NKTR: variants seen among roughly 807,000 people sequenced by gnomAD.
NKTR encodes the protein natural killer cell triggering receptor, also known as NK-tumor recognition protein.
NKTR carries 67 observed loss-of-function variants against 156.3 expected under a neutral mutation model. The ratio of observed to expected loss-of-function variants is 0.43; its 90% confidence interval spans 0.35 to 0.53. The LOEUF (loss-of-function observed/expected upper bound fraction) is 0.53, where lower values mean the gene tolerates loss of function less well. NKTR is among the 20% of genes least tolerant of loss of function. The pLI is 0.01. For synonymous variants in NKTR, 640 were observed against 596.6 expected (o/e 1.07, Z -1.06); for missense variants, 1,604 against 1,730.9 (o/e 0.93, Z 1.30).
chr3:42,645,599 A>G (rs1187127041), intron 16 of NKTR, among the ~76,000 whole-genome samples: 5 of 152,058 alleles, frequency 3.3e-5, no homozygotes, highest in Admixed American at 3.3e-4. Context: ...CAGGAGAATC[A>G]CTTGAACCCG....
chr3:42,642,235 C>T (rs1241442560), intron 13 of NKTR, among the ~76,000 whole-genome samples: 1 of 152,024 alleles, frequency 6.6e-6, no homozygotes, highest in East Asian at 1.9e-4. Flanking sequence ...TTATTTTCTT[C>T]TCAGTGTTAT....
chr3:42,641,330 G>A (rs1046155423), intron 13 of NKTR, among the ~76,000 whole-genome samples: 4 of 152,148 alleles, frequency 2.6e-5, no homozygotes, highest in Admixed American at 1.3e-4. Context: ...AGCAGGTCAT[G>A]TCTTCCAAAA....
chr3:42,621,403 G>A (rs535878532), intron 5 of NKTR, 26 bp from the exon 6 acceptor site: 1 of 1,587,786 alleles, frequency 6.3e-7, no homozygotes, highest in East Asian at 2.3e-5. Flanking sequence ...ATTGGAGACT[G>A]ACAAATTTGT....
intron 16 of NKTR, 74 bp downstream of exon 16, chr3:42,644,077 G>A: frequency 1.2e-6 from 1 of 849,112 alleles, no homozygotes; most frequent in Non-Finnish European, 1.9e-6. Context: ...AGGGTGATGG[G>A]CTGCTAGTGG....
intron 2 of NKTR, among the ~76,000 whole-genome samples, chr3:42,616,736 C>G (rs1358622235): frequency 6.6e-6 from 1 of 152,094 alleles, no homozygotes; most frequent in Admixed American, 6.5e-5. Flanking sequence ...TCTGCTCTCT[C>G]AGGGGATAGG....
intron 6 of NKTR, among the ~76,000 whole-genome samples, chr3:42,622,229 CTAAA>C (rs1559565109): frequency 1.3e-5 from 2 of 152,116 alleles, no homozygotes; most frequent in East Asian, 1.9e-4. Context: ...TCTGAAAATT[CTAAA>C]TAAATCCTTT....
At chr3:42,607,480 T>G (rs2125762174) in intron 2 of NKTR, among the ~76,000 whole-genome samples, 1 of 151,966 alleles carries the variant, frequency 6.6e-6, no homozygotes. Flanking sequence ...CTTTAATGGG[T>G]CCGACTGACA....
chr3:42,612,233 T>C (rs1706900722), intron 2 of NKTR: 1 of 152,068 alleles, frequency 6.6e-6, no homozygotes, highest in Non-Finnish European at 1.5e-5. Context: ...TTTATCAATA[T>C]TTGCTTGTGT....
chr3:42,637,300 C>CTCAA lies in NKTR; in HGVS notation c.1597_1600dup (p.Arg534IlefsTer16). 1 of 1,614,100 alleles carries CTCAA rather than the reference C, an allele frequency of 6.2e-7. No homozygotes were observed. The highest frequency in any genetic ancestry group is 8.5e-7 in the Non-Finnish European group (1 of 1,180,006). ...ACTCACAGTCTTATTCTAGAGGAAG[C>CTCAA]TCAAGATCAAGGACTGCGTCAAAGT... is the stretch of plus-strand genomic sequence containing the variant. On this transcript the variant is annotated frameshift_variant, in exon 13 of 17. Coordinates refer to ENST00000232978, the MANE Select transcript of NKTR (RefSeq NM_005385.4). LOFTEE classifies it high-confidence loss of function.
At chr3:42,645,845 T>G in intron 16 of NKTR, 43 bp from the exon 17 acceptor site, 1 of 1,388,256 alleles carries the variant, frequency 7.2e-7, no homozygotes, top group Non-Finnish European at 1.0e-6. Context: ...TTCAAAGATT[T>G]TACAGTTACA....
intron 7 of NKTR, 137 bp from the exon 8 acceptor site, chr3:42,631,034 C>T (rs904157734): frequency 2.5e-5 from 36 of 1,430,098 alleles, no homozygotes; most frequent in Non-Finnish European, 3.2e-5. Flanking sequence ...TCATTCCATT[C>T]TAGTTGCTTC....
In NKTR at chr3:42,600,993, C is replaced by T. The variant is rs768759271; in HGVS notation, c.-14C>T. 7 of 1,557,766 alleles carry T rather than the reference C, an allele frequency of 4.5e-6. No homozygotes were observed. In the Admixed American group the frequency reaches 1.3e-4, roughly 30 times the overall value. Reference sequence around the variant, plus strand: ...TCCCCCTCTCTCCCAGCTCTTGCCGCCACCTCGGTCGCGATGGGGGCGCAG... The same window carrying T: ...TCCCCCTCTCTCCCAGCTCTTGCCGTCACCTCGGTCGCGATGGGGGCGCAG... On this transcript the variant is annotated 5_prime_UTR_variant, in exon 2 of 17. Transcript: ENST00000232978.
At chr3:42,611,784 GA>G (rs1247850368) in intron 2 of NKTR, among the ~76,000 whole-genome samples, 1 of 151,244 alleles carries the variant, frequency 6.6e-6, no homozygotes, top group Non-Finnish European at 1.5e-5. Context: ...CTCTGCTTCA[GA>G]AAAGTCTACC....
Position 42,604,659 on chromosome 3 carries a change from C to CTTTTTTTTTTTTTTTTT in NKTR, c.58+3618_58+3634dup, listed in dbSNP as rs71072726. ...AATTGTGGATTTATCTATTTCTCTCCTTTTTTTTTTTTTTTTTTTTTTTTT... is the reference window on the plus strand; with the variant it reads ...AATTGTGGATTTATCTATTTCTCTCCTTTTTTTTTTTTTTTTTTTTTTTTTTTTTTTTTTTTTTTTTT... On this transcript the variant is annotated intron_variant, in intron 2 of 16. Coordinates refer to ENST00000232978, the MANE Select transcript of NKTR (RefSeq NM_005385.4). 1.8e-4 allele frequency among the ~76,000 whole-genome samples: 8 copies of CTTTTTTTTTTTTTTTTT among 45,294 alleles called. 2 individuals are homozygous for CTTTTTTTTTTTTTTTTT. Among genetic ancestry groups the CTTTTTTTTTTTTTTTTT allele is most frequent in the Admixed American group, 6.1e-4 (2 of 3,260 alleles). 29.7% of individuals were successfully genotyped at this position (45,294 alleles called of 152,430 possible). A position where few individuals can be genotyped will look rare whatever the true frequency, so the allele number is the denominator to read the frequency against.
chr3:42,634,278 G>A (rs772501890), intron 10 of NKTR, among the ~76,000 whole-genome samples: 1 of 152,188 alleles, frequency 6.6e-6, no homozygotes, highest in Non-Finnish European at 1.5e-5. Flanking sequence ...AGTATTTAAT[G>A]TATTTTGTGT....
At chr3:42,628,049 A>C in intron 6 of NKTR, 1 of 985,432 alleles carries the variant, frequency 1.0e-6, no homozygotes, top group Non-Finnish European at 1.2e-6. Context: ...GCCAAGTGCC[A>C]GTAACCCTGC....
chr3:42,634,977 G>C, intron 11 of NKTR: 1 of 450,368 alleles, frequency 2.2e-6, no homozygotes, highest in Non-Finnish European at 3.9e-6. Flanking sequence ...GTGGATTACA[G>C]GTGAATCTCA....
At position 42,637,741 on chromosome 3, in the gene NKTR, A is replaced by C; in HGVS notation, c.2037A>C (p.Ser679=). ...KNSESDQSTY[S]KYSDRSSESS... is the part of the protein sequence containing the mutation. ...CGGAAAGTGATCAGAGCACTTATTC[A>C]AAATACAGTGATAGAAGTTCAGAAA... Residue 679 remains serine, a synonymous_variant, in exon 13 of 17, where the codon TCA becomes TCC. Coordinates refer to ENST00000232978, the MANE Select transcript of NKTR (RefSeq NM_005385.4). 3 of 1,613,928 alleles carry C rather than the reference A, an allele frequency of 1.9e-6. No individual in the cohort carries two copies. The highest frequency in any genetic ancestry group is 4.5e-5 in the East Asian group (2 of 44,882).
At chr3:42,634,554 A>G (rs991570500) in intron 10 of NKTR, 59 bp from the exon 11 acceptor site, 11 of 952,740 alleles carry the variant, frequency 1.2e-5, no homozygotes, top group Non-Finnish European at 1.8e-5. Context: ...TGTTTTCATT[A>G]TTAAAAATTC....
Sources: allele counts gnomAD v4.1 joint callset (sites outside exome capture counted in the v4.1 genomes callset), GRCh38; gene constraint gnomAD v4.1.1; transcripts MANE v1.5; gene names NCBI Gene and HGNC (gene_info 2026-07-23, HGNC 2026-07-21).